Variants in DMD observed in about 807,000 individuals in gnomAD.
DMD encodes dystrophin.
Under a neutral mutation model 330.1 loss-of-function variants are expected in DMD, and 63 were observed. That is an observed-to-expected ratio of 0.19 (90% CI 0.16 to 0.24). The LOEUF (loss-of-function observed/expected upper bound fraction) is 0.24. Among genes scored for constraint, DMD ranks in the 10% least tolerant of loss-of-function variants. DMD has a pLI of 1.00. For synonymous variants in DMD, 1,223 were observed against 959.8 expected, an observed-to-expected ratio of 1.27 and a Z score of -5.07; for missense variants, 3,344 against 2,684.1, an observed-to-expected ratio of 1.25 and a Z score of -5.43.
chrX:31,833,355 G>GA, intron 49 of DMD, among the ~76,000 whole-genome samples: 1 of 80,560 alleles, frequency 1.2e-5, no homozygotes, highest in Non-Finnish European at 2.4e-5. Context: ...GAGGGAGGGA[G>GA]GGAAAGAGAG....
chrX:32,716,297 A>C (rs887202152), intron 7 of DMD, among the ~76,000 whole-genome samples: 29 of 110,633 alleles, frequency 2.6e-4, no homozygotes, highest in Non-Finnish European at 1.1e-4. Context: ...TGCTGTTCTC[A>C]TGATAATGAG....
intron 1 of DMD, among the ~76,000 whole-genome samples, chrX:33,318,224 T>C (rs1260697153): frequency 1.8e-5 from 2 of 109,883 alleles, no homozygotes; most frequent in African/African-American, 6.6e-5. Context: ...ATATATGGAG[T>C]GGCGTATGAA....
At chrX:32,885,849 A>AAAACCTTT (rs1396807359) in intron 2 of DMD, among the ~76,000 whole-genome samples, 1 of 105,750 alleles carries the variant, frequency 9.5e-6, no homozygotes, top group African/African-American at 3.5e-5. Flanking sequence ...AAAAAAAAAA[A>AAAACCTTT]CCTTTCCTTT....
intron 54 of DMD, among the ~76,000 whole-genome samples, chrX:31,643,859 A>G (rs2079926724): frequency 8.9e-6 from 1 of 111,966 alleles, no homozygotes; most frequent in Non-Finnish European, 1.9e-5. Flanking sequence ...ATATATATGT[A>G]TATGGAGAAT....
At chrX:32,407,180 G>A (rs1218348328) in intron 30 of DMD, among the ~76,000 whole-genome samples, 3 of 111,239 alleles carry the variant, frequency 2.7e-5, no homozygotes, top group East Asian at 2.8e-4. Context: ...CCATCAGAGT[G>A]AACAGGCAAC....
rs1055284777 is a variant in DMD at position 31,858,815 on chromosome X, C to T, written c.7098+16373G>A. On this transcript the variant is annotated intron_variant, in intron 48 of 78. Coordinates refer to ENST00000357033, the MANE Select transcript of DMD (RefSeq NM_004006.3). ...ATCTTGCTTTTGTTTTTCCTCACAGCACCTGATAGAGAGTTCTACCTGTAA... is the reference window on the plus strand; with the variant it reads ...ATCTTGCTTTTGTTTTTCCTCACAGTACCTGATAGAGAGTTCTACCTGTAA... Among the ~76,000 whole-genome samples the T allele has an allele frequency of 4.5e-5, 5 of 111,039 alleles. No individual in the cohort carries two copies. The East Asian group carries it at 8.5e-4, about 19-fold the overall frequency.
chrX:32,595,056 T>C (rs1199871061), intron 13 of DMD, among the ~76,000 whole-genome samples: 1 of 110,981 alleles, frequency 9.0e-6, no homozygotes, highest in East Asian at 2.8e-4. Context: ...AATGAGAACA[T>C]CAAAAGAGGA....
intron 52 of DMD, among the ~76,000 whole-genome samples, chrX:31,695,116 C>A (rs1308742372): frequency 1.8e-5 from 2 of 111,305 alleles, no homozygotes; most frequent in African/African-American, 6.5e-5. Flanking sequence ...CTGTCATTTG[C>A]AACATCTTGG....
intron 34 of DMD, among the ~76,000 whole-genome samples, chrX:32,367,462 A>T (rs1480824031): frequency 1.8e-5 from 2 of 112,737 alleles, no homozygotes; most frequent in African/African-American, 3.2e-5. Context: ...ATTACTAATT[A>T]TCTCTTAATA....
chrX:32,648,474 G>A (rs1380232707), intron 9 of DMD, among the ~76,000 whole-genome samples: 2 of 111,663 alleles, frequency 1.8e-5, no homozygotes, highest in South Asian at 3.7e-4. Flanking sequence ...CAGAAAAATA[G>A]TAGTCTGTGT....
rs2089804097 is a variant in DMD at position 31,763,849 on chromosome X, T to G, written c.7542+10111A>C. Among the ~76,000 whole-genome samples the G allele has an allele frequency of 2.7e-5, 3 of 111,264 alleles. No homozygotes were observed. The Admixed American group carries it at 2.9e-4, about 11-fold the overall frequency. ...AATGTTAAAATAAAATATATCCTCA[T>G]TTTTATTTATTTATTATTTTAGTTT... On this transcript the variant is annotated intron_variant, in intron 51 of 78. Transcript: ENST00000357033.
chrX:32,775,840 A>G (rs2074086615), intron 7 of DMD, among the ~76,000 whole-genome samples: 1 of 112,433 alleles, frequency 8.9e-6, no homozygotes, highest in Admixed American at 9.4e-5. Flanking sequence ...GGCTTGACTT[A>G]CTCCCTAGAA....
intron 44 of DMD, among the ~76,000 whole-genome samples, chrX:32,209,351 G>C (rs1373971514): frequency 1.8e-5 from 2 of 111,056 alleles, no homozygotes; most frequent in Non-Finnish European, 3.8e-5. Flanking sequence ...AAAATTCTGA[G>C]AGGGAGTAGA....
Position 32,644,249 on chromosome X carries a change from T to G in DMD, c.1214A>C (p.Lys405Thr), listed in dbSNP as rs781297201. 1.7e-6 allele frequency: 2 copies of G among 1,211,317 alleles called. No homozygotes were observed. The highest frequency in any genetic ancestry group is 2.2e-6 in the Non-Finnish European group (2 of 895,154). ...RVGNILQLGS[K>T]LIGTGKLSED... ...TGATAATTTTCCTGTTCCAATCAGC[T>G]TACTTCCCAATTGTAGAATATTACC... is the stretch of plus-strand genomic sequence containing the variant. The change falls in exon 11 of 79, where the codon AAG becomes ACG. Residue 405 changes from lysine (K) to threonine (T), a missense_variant. Coordinates refer to ENST00000357033, the MANE Select transcript of DMD (RefSeq NM_004006.3).
chrX:31,417,979 G>A (rs1379427325), intron 60 of DMD, among the ~76,000 whole-genome samples: 1 of 106,824 alleles, frequency 9.4e-6, no homozygotes, highest in Non-Finnish European at 1.9e-5. Flanking sequence ...GTGAGCCACC[G>A]TGCCTGGCCC....
chrX:32,332,017 C>T (rs2097682676), intron 41 of DMD, among the ~76,000 whole-genome samples: 1 of 111,279 alleles, frequency 9.0e-6, no homozygotes, highest in African/African-American at 3.3e-5. Flanking sequence ...GGATTATTTG[C>T]TTTAACTTAA....
At chrX:32,389,808 T>C (rs2097988136) in intron 31 of DMD, 134 bp from the exon 32 acceptor site, 3 of 649,843 alleles carry the variant, frequency 4.6e-6, no homozygotes, top group Non-Finnish European at 4.7e-6. Flanking sequence ...GCAGTATTTT[T>C]CCATTCATCC....
At chrX:32,546,799 G>A (rs904857034) in intron 16 of DMD, among the ~76,000 whole-genome samples, 2 of 110,722 alleles carry the variant, frequency 1.8e-5, no homozygotes, top group Non-Finnish European at 3.8e-5. Context: ...TTAATTATAA[G>A]TCTGTTGACA....
At chrX:31,636,709 A>G (rs1006774326) in intron 54 of DMD, among the ~76,000 whole-genome samples, 1 of 111,582 alleles carries the variant, frequency 9.0e-6, no homozygotes, top group African/African-American at 3.2e-5. Context: ...TTCTGTTATT[A>G]TTATATGAAT....
Sources: allele counts gnomAD v4.1 joint callset (sites outside exome capture counted in the v4.1 genomes callset), GRCh38; gene constraint gnomAD v4.1.1; transcripts MANE v1.5; gene names NCBI Gene and HGNC (gene_info 2026-07-23, HGNC 2026-07-21).